The following SYT1 variants were observed in gnomAD, a reference collection of about 807,000 sequenced individuals.
SYT1 encodes synaptotagmin-1.
SYT1 carries 8 observed loss-of-function variants against 44.8 expected under a neutral mutation model. The ratio of observed to expected loss-of-function variants is 0.18; its 90% confidence interval spans 0.10 to 0.32. The LOEUF (loss-of-function observed/expected upper bound fraction) is 0.32. Ranked by LOEUF, SYT1 falls within the 10% of genes least tolerant of loss-of-function variation. The pLI is 1.00. For missense variants in SYT1, 286 were observed against 509.3 expected (o/e 0.56, Z 4.22); for synonymous variants, 154 against 188.8 (o/e 0.82, Z 1.51).
intron 8 of SYT1, chr12:79,341,450 G>GGTC (rs1348861535): frequency 6.6e-6 from 1 of 152,034 alleles, no homozygotes; most frequent in Non-Finnish European, 1.5e-5. Flanking sequence ...ATGGGTAGGA[G>GGTC]TTCTGGGGGA....
At chr12:79,336,607 T>G (rs1444332820) in intron 8 of SYT1, among the ~76,000 whole-genome samples, 1 of 152,038 alleles carries the variant, frequency 6.6e-6, no homozygotes, top group Non-Finnish European at 1.5e-5. Flanking sequence ...TTTGGCCCCC[T>G]CTGACCTCCC....
intron 8 of SYT1, among the ~76,000 whole-genome samples, chr12:79,351,956 A>T (rs1186823436): frequency 6.6e-6 from 1 of 152,154 alleles, no homozygotes; most frequent in Non-Finnish European, 1.5e-5. Flanking sequence ...AGACATATAC[A>T]CACTGAGACA....
chr12:79,339,908 C>A (rs961244050), intron 8 of SYT1, among the ~76,000 whole-genome samples: 2 of 152,178 alleles, frequency 1.3e-5, no homozygotes, highest in African/African-American at 2.4e-5. Context: ...GTTTTCCCAG[C>A]ACCATTTGTT....
At chr12:79,168,079 T>C (rs560238537) in intron 3 of SYT1, among the ~76,000 whole-genome samples, 2 of 152,240 alleles carry the variant, frequency 1.3e-5, no homozygotes, top group South Asian at 2.1e-4. Flanking sequence ...TAACAGGCCA[T>C]GGACTGGTAC....
chr12:78,938,869 G>C (rs920389421), intron 1 of SYT1, among the ~76,000 whole-genome samples: 2 of 152,188 alleles, frequency 1.3e-5, no homozygotes, highest in Non-Finnish European at 2.9e-5. Context: ...CCGATTAGCA[G>C]ATTAGAAATT....
chr12:78,877,107 T>C (rs962199317), intron 1 of SYT1, among the ~76,000 whole-genome samples: 1 of 149,908 alleles, frequency 6.7e-6, no homozygotes, highest in Admixed American at 6.8e-5. Context: ...TAGTCTGTTC[T>C]CACGCTGCTA....
At chr12:79,434,290 G>T (rs1419726102) in intron 9 of SYT1, among the ~76,000 whole-genome samples, 1 of 152,004 alleles carries the variant, frequency 6.6e-6, no homozygotes, top group Non-Finnish European at 1.5e-5. Flanking sequence ...TTTTTAAATT[G>T]TGTGTTTACA....
chr12:79,429,951 A>G (rs1028939914), intron 9 of SYT1, among the ~76,000 whole-genome samples: 1 of 152,214 alleles, frequency 6.6e-6, no homozygotes, highest in Non-Finnish European at 1.5e-5. Flanking sequence ...TGAAAATCAC[A>G]TTAGGTTAAT....
chr12:79,303,216 T>C (rs1001239391), intron 8 of SYT1, among the ~76,000 whole-genome samples: 1 of 152,194 alleles, frequency 6.6e-6, no homozygotes, highest in Non-Finnish European at 1.5e-5. Context: ...ATTTCACTTA[T>C]GTGCAGTTTT....
chr12:79,237,340 A>AT, intron 4 of SYT1, among the ~76,000 whole-genome samples: 1 of 152,356 alleles, frequency 6.6e-6, no homozygotes, highest in South Asian at 2.1e-4. Flanking sequence ...GTTGCATTAA[A>AT]TAAAGTGGAT....
intron 2 of SYT1, among the ~76,000 whole-genome samples, chr12:79,043,367 T>G (rs1359837628): frequency 6.6e-6 from 1 of 150,962 alleles, no homozygotes; most frequent in Non-Finnish European, 1.5e-5. Context: ...ATTGATCCCT[T>G]TACCATTATG....
intron 1 of SYT1, among the ~76,000 whole-genome samples, chr12:78,945,779 GC>G (rs1323015522): frequency 6.6e-6 from 1 of 152,066 alleles, no homozygotes; most frequent in East Asian, 1.9e-4. Flanking sequence ...GGACAATTGT[GC>G]CCGGTCCACC....
Position 79,444,079 on chromosome 12 carries a change from A to T in SYT1, c.935A>T (p.Tyr312Phe), listed in dbSNP as rs578020489. The change falls in exon 10 of 11, where the codon TAT becomes TTT. Residue 312 changes from tyrosine to phenylalanine, a missense_variant. By Grantham distance (22) the Tyr-to-Phe change is conservative. Transcript: ENST00000261205. ...TTTCCTGTTTTTCATTCAGATCCTT[A>T]TGTGAAGATTCATCTGATGCAGAAT... ...KMDVGGLSDPYVKIHLMQNGK... is the reference protein window; with the variant it reads ...KMDVGGLSDPFVKIHLMQNGK... 6.2e-7 allele frequency: 1 copy of T among 1,613,178 alleles called. No individual in the cohort carries two copies. Among genetic ancestry groups the T allele is most frequent in the East Asian group, 2.2e-5 (1 of 44,806 alleles).
At chr12:79,410,373 CA>C (rs1258462343) in intron 9 of SYT1, among the ~76,000 whole-genome samples, 1 of 151,918 alleles carries the variant, frequency 6.6e-6, no homozygotes, top group African/African-American at 2.4e-5. Flanking sequence ...CAGGGGTGTT[CA>C]AGGGCGAGAA....
At chr12:79,417,296 G>A (rs1261067424) in intron 9 of SYT1, among the ~76,000 whole-genome samples, 8 of 152,070 alleles carry the variant, frequency 5.3e-5, no homozygotes, top group Non-Finnish European at 1.0e-4. Context: ...TCATCCAATT[G>A]CATACAATGT....
At chr12:79,255,291 G>T (rs553445322) in intron 4 of SYT1, among the ~76,000 whole-genome samples, 1 of 152,318 alleles carries the variant, frequency 6.6e-6, no homozygotes, top group East Asian at 1.9e-4. Flanking sequence ...AAAAGATTAT[G>T]ACTTGCTGAA....
chr12:79,302,905 T>C (rs1880216790), intron 8 of SYT1, among the ~76,000 whole-genome samples: 3 of 152,178 alleles, frequency 2.0e-5, no homozygotes, highest in African/African-American at 7.2e-5. Context: ...TTCCTAGAGA[T>C]GGTTATATAT....
Position 78,969,733 on chromosome 12 carries a change from T to A in SYT1, c.-216-8066T>A, listed in dbSNP as rs1319169468. Among the ~76,000 whole-genome samples, 11 of 152,262 alleles carry A rather than the reference T, an allele frequency of 7.2e-5. No individual in the cohort carries two copies. In the East Asian group the frequency reaches 2.1e-3, roughly 29 times the overall value. On this transcript the variant is annotated intron_variant, in intron 1 of 10. Transcript: ENST00000261205. ...CAGGAAATAAAGGGCATTATAAACG[T>A]AAGTTATCATCAGAGCAAAGGTGAG... is the stretch of plus-strand genomic sequence containing the variant.
chr12:78,961,774 A>G (rs1402458889), intron 1 of SYT1, among the ~76,000 whole-genome samples: 2 of 152,126 alleles, frequency 1.3e-5, no homozygotes, highest in African/African-American at 4.8e-5. Flanking sequence ...ATTGAACTGG[A>G]ATAATTGTTG....
Sources: gnomAD v4.1 joint callset for allele counts (sites outside exome capture counted in the v4.1 genomes callset) on GRCh38, gnomAD v4.1.1 for gene constraint, MANE v1.5 for transcripts, NCBI Gene and HGNC (gene_info 2026-07-23, HGNC 2026-07-21) for gene names.